LY75: variants seen among roughly 807,000 people sequenced by gnomAD.
LY75 encodes the protein lymphocyte antigen 75.
A neutral mutation model predicts 231.7 loss-of-function variants in LY75; 185 were observed. The ratio of observed to expected loss-of-function variants is 0.80; its 90% CI spans 0.71 to 0.90. The LOEUF (loss-of-function observed/expected upper bound fraction) is 0.90, where lower values mean the gene tolerates loss of function less well. Among genes scored for constraint, LY75 ranks in the 40% least tolerant of loss-of-function variants. The probability of loss-of-function intolerance (pLI) is 0.00; values close to 1 mark genes in which losing one functional copy is unlikely to be tolerated. For synonymous variants in LY75, 668 were observed against 689.0 expected (o/e 0.97, Z 0.48); for missense variants, 1,947 against 2,050.2 (o/e 0.95, Z 0.97).
intron 31 of LY75, among the ~76,000 whole-genome samples, chr2:159,811,777 T>A (rs1431488328): frequency 6.6e-6 from 1 of 152,224 alleles, no homozygotes. Flanking sequence ...GAACTTCGGT[T>A]ATTTGATTGG....
chr2:159,849,047 G>C (rs910650145), intron 23 of LY75, among the ~76,000 whole-genome samples: 13 of 152,122 alleles, frequency 8.5e-5, no homozygotes, highest in African/African-American at 2.9e-4. Flanking sequence ...TAAGATTAGG[G>C]TTGACATTTT....
intron 28 of LY75, among the ~76,000 whole-genome samples, chr2:159,825,489 C>T (rs1683433516): frequency 1.3e-5 from 2 of 152,128 alleles, no homozygotes; most frequent in African/African-American, 4.8e-5. Flanking sequence ...CGAAAAAAGT[C>T]CAGGACCAGA....
chr2:159,812,353 C>T (rs1297021887), intron 31 of LY75: 2 of 150,064 alleles, frequency 1.3e-5, no homozygotes, highest in Admixed American at 6.7e-5. Flanking sequence ...CAAGAAGATC[C>T]ATTTTTTTTA....
intron 25 of LY75, among the ~76,000 whole-genome samples, chr2:159,839,558 A>G (rs757261933): frequency 3.3e-5 from 5 of 152,054 alleles, no homozygotes; most frequent in Non-Finnish European, 5.9e-5. Flanking sequence ...GCTTAATTTT[A>G]CTTTGCTGAA....
intron 34 of LY75, among the ~76,000 whole-genome samples, chr2:159,806,064 AGCTTCGGTGTCTCCTGCTTCTAG>A: frequency 6.6e-6 from 1 of 152,284 alleles, no homozygotes; most frequent in Admixed American, 6.5e-5. Flanking sequence ...TTTAGATCTT[AGCTTCGGTGTCTCCTGCTTCTAG>A]GCTTCTTCCC....
Position 159,885,431 on chromosome 2 carries a change from G to T in LY75, c.914-138C>A, listed in dbSNP as rs190467218. 4.8e-6 allele frequency: 5 copies of T among 1,040,466 alleles called. No individual in the cohort carries two copies. In the Admixed American group the frequency reaches 1.3e-4, roughly 26 times the overall value. The allele number at this position is 1,040,466 out of a possible 1,614,324, so 64.5% of individuals were successfully genotyped here. On this transcript the variant is annotated intron_variant, in intron 5 of 34. Coordinates refer to ENST00000263636, the MANE Select transcript of LY75 (RefSeq NM_002349.4). ...AGTTAAAACTTAACTAAATTGAAAC[G>T]TATAAGCCTCAATGAATAATTATGT... is the stretch of plus-strand genomic sequence containing the variant.
chr2:159,822,156 A>G (rs951351572), intron 28 of LY75, among the ~76,000 whole-genome samples: 1 of 152,194 alleles, frequency 6.6e-6, no homozygotes, highest in South Asian at 2.1e-4. Context: ...CCCATACCCA[A>G]GTGGTGCCTG....
In LY75 at chr2:159,882,251, A is replaced by G. The variant is rs1280716763; in HGVS notation, c.1119T>C (p.Tyr373=). 6.2e-7 allele frequency: 1 copy of G among 1,614,098 alleles called. No homozygotes were observed. Among genetic ancestry groups the G allele is most frequent in the Non-Finnish European group, 8.5e-7 (1 of 1,179,952 alleles). The part of the protein sequence containing the change: ...AGWLPNNGFC[Y]LLVNESNSWD... ...AGGAATTACTTTCATTTACCAGCAG[A>G]TAGCAAAATCCATTATTTGGCAGCC... The change falls in exon 7 of 35, where the codon TAT becomes TAC. Residue 373 remains tyrosine (Y), a synonymous_variant. Coordinates refer to ENST00000263636, the MANE Select transcript of LY75 (RefSeq NM_002349.4).
At chr2:159,885,457 G>T in intron 5 of LY75, 164 bp from the exon 6 acceptor site, 1 of 413,048 alleles carries the variant, frequency 2.4e-6, no homozygotes, top group African/African-American at 2.2e-5. Flanking sequence ...ATAATTATGT[G>T]CTTAAATATG....
At position 159,879,289 on chromosome 2, in the gene LY75, T is replaced by TG. The variant is rs775558812; in HGVS notation, c.1484dup (p.Ser496LysfsTer3). On this transcript the variant is annotated frameshift_variant, in exon 9 of 35. Coordinates refer to ENST00000263636, the MANE Select transcript of LY75 (RefSeq NM_002349.4). LOFTEE classifies it high-confidence loss of function. ...CTGGAGGACACATCTTATCAGAACTTGCGTCATTCAGTTTTTCTCCCTTTC... is the reference window on the plus strand; with the variant it reads ...CTGGAGGACACATCTTATCAGAACTTGGCGTCATTCAGTTTTTCTCCCTTTC... The TG allele has an allele frequency of 1.9e-6, 3 of 1,613,756 alleles. No individual in the cohort carries two copies. The South Asian group carries it at 3.3e-5, about 18-fold the overall frequency.
rs575317505 is a variant in LY75, at chr2:159,849,949, A to T, written c.3150+31T>A. 3 of 1,603,346 alleles carry T rather than the reference A, an allele frequency of 1.9e-6. No individual in the cohort carries two copies. The South Asian group carries it at 3.4e-5, about 18-fold the overall frequency. Reference sequence around the variant, plus strand: ...AAAGACTCAAGTATTTCACAGAGGTATGAAGAGTATTGGTTTTTAAAAAAA... The same window carrying T: ...AAAGACTCAAGTATTTCACAGAGGTTTGAAGAGTATTGGTTTTTAAAAAAA... On this transcript the variant is annotated intron_variant, in intron 23 of 34. Coordinates refer to ENST00000263636, the MANE Select transcript of LY75 (RefSeq NM_002349.4).
intron 16 of LY75, 53 bp downstream of exon 16, chr2:159,858,309 G>C: frequency 3.2e-6 from 5 of 1,586,686 alleles, no homozygotes; most frequent in Non-Finnish European, 4.3e-6. Context: ...TTTGAGCTAG[G>C]CATTCACAAT....
chr2:159,896,989 G>T (rs998152735), intron 2 of LY75, among the ~76,000 whole-genome samples: 5 of 152,140 alleles, frequency 3.3e-5, no homozygotes, highest in Non-Finnish European at 7.4e-5. Context: ...TGGTGGCATT[G>T]CTTAGCTCTC....
At chr2:159,837,177 T>C (rs895253674) in intron 25 of LY75, among the ~76,000 whole-genome samples, 3 of 152,132 alleles carry the variant, frequency 2.0e-5, no homozygotes, top group Non-Finnish European at 4.4e-5. Flanking sequence ...TCTACCAAAA[T>C]ACACCTGCGC....
At position 159,860,784 on chromosome 2, in the gene LY75, T is replaced by C. The variant is rs773229005; in HGVS notation, c.2268+37A>G. On this transcript the variant is annotated intron_variant, in intron 15 of 34. Transcript: ENST00000263636. ...TTGACTGCATATGATGATGGACTTA[T>C]GTTTTAAATATGCAGATTTTCCAGC... The C allele has an allele frequency of 2.5e-6, 4 of 1,609,884 alleles. 1 individual carries two copies. Among genetic ancestry groups the C allele is most frequent in the South Asian group, 2.2e-5 (2 of 90,958 alleles).
intron 28 of LY75, among the ~76,000 whole-genome samples, chr2:159,828,634 T>A (rs905222629): frequency 1.3e-5 from 2 of 152,158 alleles, no homozygotes; most frequent in Admixed American, 1.3e-4. Context: ...CCCAGGGGTT[T>A]ACCCAAGAGA....
At chr2:159,886,755 A>G (rs1190031690) in intron 4 of LY75, among the ~76,000 whole-genome samples, 3 of 152,138 alleles carry the variant, frequency 2.0e-5, no homozygotes, top group Non-Finnish European at 2.9e-5. Flanking sequence ...CTGCTCTCCT[A>G]TTAGCTTGTC....
chr2:159,883,082 G>A (rs1231632116), intron 6 of LY75, among the ~76,000 whole-genome samples: 1 of 140,720 alleles, frequency 7.1e-6, no homozygotes. Context: ...GAACCATTTG[G>A]AATATTTGTT....
At chr2:159,872,900 C>A (rs1294316560) in intron 12 of LY75, among the ~76,000 whole-genome samples, 1 of 152,098 alleles carries the variant, frequency 6.6e-6, no homozygotes, top group African/African-American at 2.4e-5. Context: ...TAAAATGAAC[C>A]AGGAGGCAAG....
Sources: gnomAD v4.1 joint callset for allele counts (sites outside exome capture counted in the v4.1 genomes callset) on GRCh38, gnomAD v4.1.1 for gene constraint, MANE v1.5 for transcripts, NCBI Gene and HGNC (gene_info 2026-07-23, HGNC 2026-07-21) for gene names.